The following NDFIP1 variants were observed in gnomAD, a reference collection of about 807,000 sequenced individuals.
NDFIP1 encodes the protein NEDD4 family-interacting protein 1.
A neutral mutation model predicts 28.8 loss-of-function variants in NDFIP1; 7 were observed. That is an observed-to-expected ratio of 0.24 (90% CI 0.14 to 0.46). NDFIP1 has a LOEUF of 0.46. Ranked by LOEUF, NDFIP1 falls within the 20% of genes least tolerant of loss-of-function variation. NDFIP1 has a pLI of 0.99. For synonymous variants in NDFIP1, 92 were observed against 101.0 expected (o/e 0.91, Z 0.53); for missense variants, 194 against 269.1 (o/e 0.72, Z 1.95).
chr5:142,135,650 C>T, intron 3 of NDFIP1, 80 bp from the exon 4 acceptor site: 4 of 1,231,224 alleles, frequency 3.2e-6, no homozygotes, highest in Admixed American at 3.7e-5. Flanking sequence ...TAACTTTTTT[C>T]CTTGCTACTC....
intron 1 of NDFIP1, 68 bp downstream of exon 1, chr5:142,109,105 G>A: frequency 8.1e-7 from 1 of 1,227,184 alleles, no homozygotes; most frequent in Non-Finnish European, 1.0e-6. Flanking sequence ...GGCCGCCTCA[G>A]GCCTCTCTGG....
At chr5:142,112,174 T>TCAAGAGATTGAGACCATCCTGGC (rs1306672291) in intron 1 of NDFIP1, among the ~76,000 whole-genome samples, 1 of 151,722 alleles carries the variant, frequency 6.6e-6, no homozygotes, top group Non-Finnish European at 1.5e-5. Context: ...GATCACGAGG[T>TCAAGAGATTGAGACCATCCTGGC]CAAGAGATTG....
chr5:142,114,031 T>C (rs1757040295), intron 1 of NDFIP1, among the ~76,000 whole-genome samples: 1 of 152,228 alleles, frequency 6.6e-6, no homozygotes, highest in Admixed American at 6.5e-5. Context: ...TCTACAAATA[T>C]CTTTCAAGTC....
chr5:142,128,443 C>T (rs1231405232), intron 1 of NDFIP1, among the ~76,000 whole-genome samples: 1 of 152,168 alleles, frequency 6.6e-6, no homozygotes, highest in Non-Finnish European at 1.5e-5. Flanking sequence ...CATGGTTCCT[C>T]CACTTGTTAG....
At chr5:142,127,680 G>A (rs1757184449) in intron 1 of NDFIP1, among the ~76,000 whole-genome samples, 1 of 152,182 alleles carries the variant, frequency 6.6e-6, no homozygotes, top group African/African-American at 2.4e-5. Context: ...TTTCAGCCGG[G>A]TATGGTGGCT....
At chr5:142,111,695 G>A (rs745762639) in intron 1 of NDFIP1, among the ~76,000 whole-genome samples, 2 of 152,184 alleles carry the variant, frequency 1.3e-5, no homozygotes, top group African/African-American at 4.8e-5. Context: ...TGCAAACACA[G>A]TTTTGTCTTT....
intron 1 of NDFIP1, among the ~76,000 whole-genome samples, chr5:142,113,078 G>A (rs910051729): frequency 6.6e-6 from 1 of 152,198 alleles, no homozygotes; most frequent in Non-Finnish European, 1.5e-5. Context: ...TTCAATGTAA[G>A]TGGGTGATGA....
intron 1 of NDFIP1, among the ~76,000 whole-genome samples, chr5:142,128,538 TG>T (rs759856564): frequency 1.3e-5 from 2 of 152,182 alleles, no homozygotes; most frequent in Non-Finnish European, 2.9e-5. Flanking sequence ...TGCATGCAGA[TG>T]GCAGGCACTA....
chr5:142,133,126 C>T (rs1397330003), intron 3 of NDFIP1, among the ~76,000 whole-genome samples: 1 of 152,184 alleles, frequency 6.6e-6, no homozygotes, highest in African/African-American at 2.4e-5. Context: ...CAGATGTTCC[C>T]CTCTTGGCTT....
chr5:142,135,670 C>CAA, intron 3 of NDFIP1, 60 bp from the exon 4 acceptor site: 1 of 1,440,162 alleles, frequency 6.9e-7, no homozygotes, highest in Admixed American at 1.7e-5. Context: ...CAAATTTAAC[C>CAA]CTTCATTTTT....
At chr5:142,138,548 TTAAC>T (rs1757296902) in intron 5 of NDFIP1, among the ~76,000 whole-genome samples, 1 of 152,370 alleles carries the variant, frequency 6.6e-6, no homozygotes, top group African/African-American at 2.4e-5. Context: ...ATTGGCATAC[TTAAC>T]TAACTAATGG....
intron 1 of NDFIP1, among the ~76,000 whole-genome samples, chr5:142,109,697 G>T (rs1031087931): frequency 6.6e-6 from 1 of 152,170 alleles, no homozygotes; most frequent in Non-Finnish European, 1.5e-5. Flanking sequence ...TGGAAGTGAC[G>T]TTTTAAGAGA....
At chr5:142,142,247 ACCT>A (rs1757339680) in intron 6 of NDFIP1, among the ~76,000 whole-genome samples, 1 of 151,948 alleles carries the variant, frequency 6.6e-6, no homozygotes, top group South Asian at 2.1e-4. Flanking sequence ...ACCATCTACC[ACCT>A]CCTCAACAGC....
In NDFIP1 at chr5:142,152,389, G is replaced by T. The variant is rs939595457; in HGVS notation, c.*661G>T. On this transcript the variant is annotated 3_prime_UTR_variant, in exon 8 of 8. Transcript: ENST00000253814. ...TTATTGTACCTAAGGGATTCTAAAG[G>T]TGTTGTCACTGTATAAAACAGAAAG... is the stretch of plus-strand genomic sequence containing the variant. 47 of 152,348 alleles carry T rather than the reference G, an allele frequency of 3.1e-4. No homozygotes were observed. The highest frequency in any genetic ancestry group is 1.0e-3 in the African/African-American group (43 of 41,520). The allele number at this position is 152,348 out of a possible 1,614,324, so 9.4% of individuals were successfully genotyped here.
chr5:142,109,110 C>G (rs1386371438), intron 1 of NDFIP1, 73 bp downstream of exon 1: 1 of 1,212,646 alleles, frequency 8.2e-7, no homozygotes, highest in Non-Finnish European at 1.0e-6. Flanking sequence ...CCTCAGGCCT[C>G]TCTGGCCGGC....
At chr5:142,136,886 A>G (rs1757281384) in intron 4 of NDFIP1, among the ~76,000 whole-genome samples, 1 of 149,742 alleles carries the variant, frequency 6.7e-6, no homozygotes, top group Non-Finnish European at 1.5e-5. Context: ...GCCAACATGG[A>G]GAAACCCCAT....
At chr5:142,133,738 A>G (rs1490931257) in intron 3 of NDFIP1, among the ~76,000 whole-genome samples, 2 of 152,248 alleles carry the variant, frequency 1.3e-5, no homozygotes, top group Admixed American at 6.5e-5. Context: ...CACTTTTTAA[A>G]TATAAGATGC....
chr5:142,133,251 A>G (rs1757243671), intron 3 of NDFIP1, among the ~76,000 whole-genome samples: 1 of 152,200 alleles, frequency 6.6e-6, no homozygotes, highest in Non-Finnish European at 1.5e-5. Flanking sequence ...AATGGCGATG[A>G]TGTGCATTCA....
intron 1 of NDFIP1, among the ~76,000 whole-genome samples, chr5:142,126,952 A>G (rs1389516999): frequency 6.6e-6 from 1 of 151,956 alleles, no homozygotes; most frequent in Non-Finnish European, 1.5e-5. Flanking sequence ...ATTTTTAATA[A>G]CAATAGGACC....
Sources: gnomAD v4.1 joint callset for allele counts (sites outside exome capture counted in the v4.1 genomes callset) on GRCh38, gnomAD v4.1.1 for gene constraint, MANE v1.5 for transcripts, NCBI Gene and HGNC (gene_info 2026-07-23, HGNC 2026-07-21) for gene names.